The following NAALADL2 variants were observed in gnomAD, a reference collection of about 807,000 sequenced individuals.
NAALADL2 encodes the protein N-acetylated alpha-linked acidic dipeptidase like 2.
A neutral mutation model predicts 87.2 loss-of-function variants in NAALADL2; 76 were observed. The observed-to-expected ratio is 0.87, with a 90% CI of 0.72 to 1.05. The LOEUF is 1.05. Among genes scored for constraint, NAALADL2 ranks in the 50% least tolerant of loss-of-function variants. The pLI, the probability that NAALADL2 is intolerant of heterozygous loss-of-function variation, is 0.00. For missense variants in NAALADL2, 1,089 were observed against 945.8 expected (o/e 1.15, Z -1.99); for synonymous variants, 354 against 331.0 (o/e 1.07, Z -0.75).
chr3:174,472,764 T>G (rs1294586316), intron 1 of NAALADL2, among the ~76,000 whole-genome samples: 2 of 152,184 alleles, frequency 1.3e-5, no homozygotes, highest in African/African-American at 4.8e-5. Context: ...CTGGCTGTAA[T>G]AGTCTCAGTC....
At chr3:174,816,834 A>T (rs974900967) in intron 3 of NAALADL2, among the ~76,000 whole-genome samples, 1 of 152,206 alleles carries the variant, frequency 6.6e-6, no homozygotes, top group Non-Finnish European at 1.5e-5. Context: ...GCAAGGCAAC[A>T]CTGAGATTTC....
At chr3:175,519,607 A>C (rs2149414372) in intron 9 of NAALADL2, among the ~76,000 whole-genome samples, 1 of 152,320 alleles carries the variant, frequency 6.6e-6, no homozygotes, top group Admixed American at 6.5e-5. Flanking sequence ...GGTGTCCATT[A>C]AGAGGTAAAT....
intron 5 of NAALADL2, among the ~76,000 whole-genome samples, chr3:175,389,711 A>G (rs1422657400): frequency 1.3e-5 from 2 of 152,212 alleles, no homozygotes; most frequent in Non-Finnish European, 2.9e-5. Context: ...TGAGACAAGT[A>G]AAGTCAACCC....
rs1651264601 is a variant in NAALADL2, at chr3:174,934,853, ATACGT to A, written c.43+75405_43+75409del. ...GATATTATGATAGAGGAATTATAGG[ATACGT>A]TCAATCATTTGAAATTTTTGAATGT... On this transcript the variant is annotated intron_variant, in intron 1 of 13. Coordinates refer to ENST00000454872, the MANE Select transcript of NAALADL2 (RefSeq NM_207015.3). 5.3e-5 allele frequency among the ~76,000 whole-genome samples: 8 copies of A among 151,774 alleles called. No homozygotes were observed. The South Asian group carries it at 1.7e-3, about 31-fold the overall frequency.
chr3:175,245,873 A>G (rs957300777), intron 3 of NAALADL2, among the ~76,000 whole-genome samples: 1 of 152,190 alleles, frequency 6.6e-6, no homozygotes. Context: ...GTTACCAAAT[A>G]TTTTAAATAC....
At chr3:174,985,768 C>T (rs1226866805) in intron 1 of NAALADL2, among the ~76,000 whole-genome samples, 1 of 152,022 alleles carries the variant, frequency 6.6e-6, no homozygotes, top group Non-Finnish European at 1.5e-5. Flanking sequence ...GCCTGACCAA[C>T]ATGGAGAAAC....
chr3:175,014,759 T>G (rs1750601176), intron 1 of NAALADL2, among the ~76,000 whole-genome samples: 1 of 152,166 alleles, frequency 6.6e-6, no homozygotes, highest in Non-Finnish European at 1.5e-5. Context: ...TCTAATTAGA[T>G]TTGAAATCCA....
chr3:175,402,333 C>T (rs1048118640), intron 5 of NAALADL2, among the ~76,000 whole-genome samples: 1 of 151,968 alleles, frequency 6.6e-6, no homozygotes, highest in Non-Finnish European at 1.5e-5. Flanking sequence ...GAGCTGATTA[C>T]CCCAGAGCAA....
chr3:174,587,297 T>C (rs945591779), intron 2 of NAALADL2, among the ~76,000 whole-genome samples: 1 of 152,114 alleles, frequency 6.6e-6, no homozygotes, highest in African/African-American at 2.4e-5. Flanking sequence ...TAAACATACA[T>C]GTGCACACTG....
At chr3:175,705,227 GA>G (rs1184772656) in intron 11 of NAALADL2, among the ~76,000 whole-genome samples, 1 of 151,936 alleles carries the variant, frequency 6.6e-6, no homozygotes, top group Non-Finnish European at 1.5e-5. Context: ...CACAGAAGAG[GA>G]AAATGAGGTC....
chr3:175,473,569 AAT>A (rs1328046803), intron 9 of NAALADL2, among the ~76,000 whole-genome samples: 1 of 149,132 alleles, frequency 6.7e-6, no homozygotes, highest in Admixed American at 6.7e-5. Flanking sequence ...TAAATAACTT[AAT>A]ATATATTCTC....
chr3:175,384,664 G>A (rs1287769226), intron 5 of NAALADL2, among the ~76,000 whole-genome samples: 2 of 151,212 alleles, frequency 1.3e-5, no homozygotes, highest in Non-Finnish European at 3.0e-5. Flanking sequence ...ATTTGTTTGT[G>A]CAATAATATT....
chr3:174,982,645 T>C (rs1345924952), intron 1 of NAALADL2, among the ~76,000 whole-genome samples: 2 of 152,216 alleles, frequency 1.3e-5, no homozygotes, highest in African/African-American at 4.8e-5. Context: ...CGTAAGTAAA[T>C]TGAAAAGTGT....
chr3:175,241,855 A>ATTTTTTTTTGTTTTTTTTTTT (rs1746951845), intron 3 of NAALADL2, among the ~76,000 whole-genome samples: 1 of 83,812 alleles, frequency 1.2e-5, no homozygotes, highest in African/African-American at 4.6e-5. Context: ...TGGATGCTGA[A>ATTTTTTTTTGTTTTTTTTTTT]TTTTTTTTTT....
chr3:175,158,712 G>T (rs977305749), intron 2 of NAALADL2, among the ~76,000 whole-genome samples: 1 of 152,014 alleles, frequency 6.6e-6, no homozygotes. Context: ...TTTTTTTGCA[G>T]TGAAGATTTT....
chr3:174,508,123 T>TGTTTG (rs1560021025), intron 1 of NAALADL2, among the ~76,000 whole-genome samples: 1 of 142,850 alleles, frequency 7.0e-6, no homozygotes, highest in African/African-American at 2.6e-5. Context: ...GGTTTTTTTT[T>TGTTTG]TTTTTTTTGA....
chr3:174,441,527 C>G (rs897443136), intron 1 of NAALADL2, among the ~76,000 whole-genome samples: 3 of 152,134 alleles, frequency 2.0e-5, no homozygotes, highest in Non-Finnish European at 4.4e-5. Flanking sequence ...CACAGTTCCG[C>G]CCCCGCGCGT....
chr3:175,143,551 CAAA>C (rs200363916), intron 2 of NAALADL2, among the ~76,000 whole-genome samples: 74 of 113,344 alleles, frequency 6.5e-4, no homozygotes, highest in Middle Eastern at 9.5e-3. Flanking sequence ...CAATGTTAGC[CAAA>C]AAAAAAAAAA....
intron 4 of NAALADL2, among the ~76,000 whole-genome samples, chr3:175,297,630 C>A (rs1397813185): frequency 1.3e-5 from 2 of 152,082 alleles, no homozygotes; most frequent in Non-Finnish European, 2.9e-5. Context: ...TGGTATTACC[C>A]ACTAACCATT....
Sources: allele counts gnomAD v4.1 joint callset (sites outside exome capture counted in the v4.1 genomes callset), GRCh38; gene constraint gnomAD v4.1.1; transcripts MANE v1.5; gene names NCBI Gene and HGNC (gene_info 2026-07-23, HGNC 2026-07-21).